Variants in GRIP1 observed in about 807,000 individuals in gnomAD.
GRIP1 encodes the protein glutamate receptor-interacting protein 1.
A neutral mutation model predicts 129.9 loss-of-function variants in GRIP1; 45 were observed. That is an observed-to-expected ratio of 0.35 (90% CI 0.27 to 0.44). The LOEUF (loss-of-function observed/expected upper bound fraction) is 0.44, where lower values mean the gene tolerates loss of function less well. Among genes scored for constraint, GRIP1 ranks in the 20% least tolerant of loss-of-function variants. GRIP1 has a pLI of 1.00. For missense variants in GRIP1, 1,196 were observed against 1,396.8 expected, an observed-to-expected ratio of 0.86 and a Z score of 2.29; for synonymous variants, 530 against 520.8, an observed-to-expected ratio of 1.02 and a Z score of -0.24.
At chr12:67,009,768 A>G (rs2042678787) in intron 1 of GRIP1, among the ~76,000 whole-genome samples, 1 of 152,166 alleles carries the variant, frequency 6.6e-6, no homozygotes, top group Admixed American at 6.6e-5. Context: ...AAATATAGTA[A>G]AAGGACAGAT....
At chr12:66,599,988 G>C (rs959667211) in intron 1 of GRIP1, among the ~76,000 whole-genome samples, 2 of 152,160 alleles carry the variant, frequency 1.3e-5, no homozygotes, top group Admixed American at 6.5e-5. Context: ...ACAGGAGTGA[G>C]TGAGTGGGCA....
chr12:66,449,898 A>T (rs1171469036), intron 11 of GRIP1, among the ~76,000 whole-genome samples: 1 of 151,466 alleles, frequency 6.6e-6, no homozygotes, highest in Non-Finnish European at 1.5e-5. Flanking sequence ...GTTCATATTA[A>T]TTTTTTTTTC....
At position 66,392,343 on chromosome 12, in the gene GRIP1, T is replaced by A. The variant is rs1156346435; in HGVS notation, c.2429A>T (p.Asp810Val). Residue 810 changes from aspartate to valine, a missense_variant, in exon 19 of 25, where the codon GAT becomes GTT. Asp to Val is a radical substitution (Grantham distance 152). Transcript: ENST00000359742. ...PSVDSAVDSW[D>V]GSAIDTSYGT... is the part of the protein sequence containing the mutation. The stretch of plus-strand genomic sequence containing the variant: ...ATAGCTGGTGTCTATTGCAGACCCA[T>A]CCCATGAATCCACAGCACTGTCCAC... 6.2e-7 allele frequency: 1 copy of A among 1,613,004 alleles called. No homozygotes were observed. The highest frequency in any genetic ancestry group is 8.5e-7 in the Non-Finnish European group (1 of 1,179,132).
chr12:66,973,919 C>CTTTTTTTTTTTT (rs535699240), intron 1 of GRIP1, among the ~76,000 whole-genome samples: 12 of 121,356 alleles, frequency 9.9e-5, no homozygotes, highest in South Asian at 2.7e-4. Flanking sequence ...CTTTTCTTTT[C>CTTTTTTTTTTTT]TTTTTTTTTT....
intron 2 of GRIP1, among the ~76,000 whole-genome samples, chr12:66,582,418 G>A (rs2063426005): frequency 6.7e-6 from 1 of 148,522 alleles, no homozygotes. Flanking sequence ...CAATTAGGCA[G>A]GAGAAGGAAA....
chr12:66,395,469 A>G (rs1447196318), intron 16 of GRIP1, among the ~76,000 whole-genome samples: 2 of 152,216 alleles, frequency 1.3e-5, no homozygotes, highest in African/African-American at 4.8e-5. Flanking sequence ...TGAAATCCTA[A>G]AATAAGGAGG....
Position 66,413,375 on chromosome 12 carries a change from A to C in GRIP1, c.1839-6947T>G, listed in dbSNP as rs2057470690. Reference sequence around the variant, plus strand: ...GAACCTTGGGTGAATAATAAAATTAAGGCAGAAATCAAGAAGTTCTTTGAA... The same window carrying C: ...GAACCTTGGGTGAATAATAAAATTACGGCAGAAATCAAGAAGTTCTTTGAA... On this transcript the variant is annotated intron_variant, in intron 15 of 24. Transcript: ENST00000359742. Among the ~76,000 whole-genome samples the C allele has an allele frequency of 3.3e-5, 5 of 152,210 alleles. No homozygotes were observed. In the South Asian group the frequency reaches 1.0e-3, roughly 32 times the overall value.
At chr12:66,785,339 C>CACACATATATATAT (rs1555237378) in intron 1 of GRIP1, among the ~76,000 whole-genome samples, 1 of 36,458 alleles carries the variant, frequency 2.7e-5, no homozygotes, top group Admixed American at 3.4e-4. Flanking sequence ...TACATACATA[C>CACACATATATATAT]ATACATATAT....
chr12:66,463,393 G>C (rs1019886269), intron 8 of GRIP1, among the ~76,000 whole-genome samples: 1 of 152,082 alleles, frequency 6.6e-6, no homozygotes, highest in Non-Finnish European at 1.5e-5. Context: ...GCGAGCAAGA[G>C]GAAAGGGAAA....
intron 2 of GRIP1, among the ~76,000 whole-genome samples, chr12:66,586,547 A>G (rs2063645118): frequency 6.6e-6 from 1 of 152,074 alleles, no homozygotes; most frequent in Admixed American, 6.6e-5. Flanking sequence ...TGAGAGCTTC[A>G]AAATTTCTAT....
intron 22 of GRIP1, among the ~76,000 whole-genome samples, chr12:66,374,082 A>G (rs1382297418): frequency 2.0e-5 from 3 of 152,190 alleles, no homozygotes; most frequent in African/African-American, 7.2e-5. Flanking sequence ...TTTATTTCAG[A>G]TAAATACCCT....
At chr12:66,714,920 CATCCAATCCA>C (rs1555229372) in intron 1 of GRIP1, among the ~76,000 whole-genome samples, 7 of 66,090 alleles carry the variant, frequency 1.1e-4, no homozygotes, top group East Asian at 4.0e-4. Flanking sequence ...TCCATCCATC[CATCCAATCCA>C]ATCCAATCCA....
intron 1 of GRIP1, among the ~76,000 whole-genome samples, chr12:66,909,173 T>C (rs971039223): frequency 2.6e-5 from 4 of 152,240 alleles, no homozygotes; most frequent in African/African-American, 9.6e-5. Flanking sequence ...TGTCTTTGTT[T>C]TGCTATTTTT....
rs1480550487 is a variant in GRIP1, at chr12:66,931,312, C to T, written c.58+137738G>A. ...TACTGCAGAGGGACAACCATCAATG[C>T]CAATGATCTCATCAAGGAAAAAGAA... On this transcript the variant is annotated intron_variant, in intron 1 of 1. Coordinates refer to the GRIP1 transcript ENST00000643019. Among the ~76,000 whole-genome samples the T allele has an allele frequency of 7.9e-5, 12 of 152,306 alleles. No individual in the cohort carries two copies. The East Asian group carries it at 2.1e-3, about 27-fold the overall frequency.
intron 1 of GRIP1, among the ~76,000 whole-genome samples, chr12:66,669,361 C>G (rs924121944): frequency 7.2e-5 from 11 of 151,790 alleles, no homozygotes; most frequent in African/African-American, 2.7e-4. Context: ...GCACTGCAGC[C>G]TGGGTGACAG....
intron 1 of GRIP1, among the ~76,000 whole-genome samples, chr12:66,922,557 G>T (rs1191780319): frequency 6.6e-6 from 1 of 152,174 alleles, no homozygotes; most frequent in Non-Finnish European, 1.5e-5. Flanking sequence ...TAAAAAGCAG[G>T]TCCTTATACA....
intron 1 of GRIP1, among the ~76,000 whole-genome samples, chr12:66,817,023 C>T (rs1355366922): frequency 6.6e-6 from 1 of 152,016 alleles, no homozygotes; most frequent in Non-Finnish European, 1.5e-5. Context: ...ATCCTTTCCT[C>T]AGAAAACAAA....
At chr12:66,648,790 C>T (rs966687678) in intron 1 of GRIP1, among the ~76,000 whole-genome samples, 2 of 152,130 alleles carry the variant, frequency 1.3e-5, no homozygotes, top group South Asian at 4.1e-4. Flanking sequence ...AGCTCAAAGT[C>T]CAATTTTAAC....
chr12:66,524,248 C>CAG (rs1379164616), intron 5 of GRIP1, among the ~76,000 whole-genome samples: 3 of 152,178 alleles, frequency 2.0e-5, no homozygotes, highest in Non-Finnish European at 4.4e-5. Flanking sequence ...CCACACTGCA[C>CAG]CTATTCCAAA....
Sources: allele counts gnomAD v4.1 joint callset (sites outside exome capture counted in the v4.1 genomes callset), GRCh38; gene constraint gnomAD v4.1.1; transcripts MANE v1.5; gene names NCBI Gene and HGNC (gene_info 2026-07-23, HGNC 2026-07-21).